RAI1: variants seen among roughly 807,000 people sequenced by gnomAD.
The protein encoded by RAI1 is retinoic acid-induced protein 1.
RAI1 carries 9 observed loss-of-function variants against 123.8 expected under a neutral mutation model. The ratio of observed to expected loss-of-function variants is 0.07; its 90% CI spans 0.04 to 0.13. RAI1 has a LOEUF of 0.13. Among genes scored for constraint, RAI1 ranks in the 10% least tolerant of loss-of-function variants. The pLI is 1.00. For synonymous variants in RAI1, 1,231 were observed against 1,127.3 expected (o/e 1.09, Z -1.84); for missense variants, 2,256 against 2,545.8 (o/e 0.89, Z 2.45).
In RAI1 at chr17:17,809,294, G is replaced by T. The variant is rs1422775514; in HGVS notation, c.5660-96G>T. On this transcript the variant is annotated intron_variant, in intron 4 of 5. Coordinates refer to ENST00000353383, the MANE Select transcript of RAI1 (RefSeq NM_030665.4). This position sits in a 1 kb window ranked among gnomAD's most constrained non-coding sequence, Gnocchi z 4.9. ...AAGAGCCCCTGCAGTCTGGAGCCTCGCGGGCAGTGCGGCTCCCCTCCTGGC... is the reference window on the plus strand; with the variant it reads ...AAGAGCCCCTGCAGTCTGGAGCCTCTCGGGCAGTGCGGCTCCCCTCCTGGC... 1.9e-6 allele frequency: 2 copies of T among 1,049,896 alleles called. No individual in the cohort carries two copies. Among genetic ancestry groups the T allele is most frequent in the African/African-American group, 1.6e-5 (1 of 63,890 alleles). 65.0% of individuals were successfully genotyped at this position (1,049,896 alleles called of 1,614,324 possible). A position where few individuals can be genotyped will look rare whatever the true frequency, so the allele number is the denominator to read the frequency against.
intron 4 of RAI1, among the ~76,000 whole-genome samples, chr17:17,808,852 G>A (rs2032649683): frequency 6.6e-6 from 1 of 152,180 alleles, no homozygotes; most frequent in Non-Finnish European, 1.5e-5. Flanking sequence ...AGAAGTAGCA[G>A]ATGCTCAAAT....
intron 3 of RAI1, chr17:17,802,167 C>T (rs1183022024): frequency 2.1e-6 from 1 of 470,920 alleles, no homozygotes; most frequent in East Asian, 6.9e-5. Context: ...AGCAGCTGGT[C>T]CAGGTGTGGG....
intron 1 of RAI1, among the ~76,000 whole-genome samples, chr17:17,715,134 C>T (rs960208117): frequency 6.6e-6 from 1 of 152,246 alleles, no homozygotes; most frequent in Non-Finnish European, 1.5e-5. Context: ...GGATGGCTTT[C>T]CTGGCTTAAG....
At chr17:17,753,555 A>C (rs1432237299) in intron 2 of RAI1, among the ~76,000 whole-genome samples, 1 of 152,244 alleles carries the variant, frequency 6.6e-6, no homozygotes, top group African/African-American at 2.4e-5. Flanking sequence ...AGCCAAGCTA[A>C]TAACAATGTA....
At position 17,810,897 on chromosome 17, in the gene RAI1, C is replaced by T. The variant is rs1209529514; in HGVS notation, c.*916C>T. 1 of 424,198 alleles carries T rather than the reference C, an allele frequency of 2.4e-6. No homozygotes were observed. Among genetic ancestry groups the T allele is most frequent in the South Asian group, 1.6e-5 (1 of 62,440 alleles). 26.3% of individuals were successfully genotyped at this position (424,198 alleles called of 1,614,324 possible). ...CAGCGCTAGATTTCGTGTACAAAAC[C>T]TGTGTACCCCTCTATATATATGTTA... On this transcript the variant is annotated 3_prime_UTR_variant, in exon 6 of 6. Transcript: ENST00000353383. The surrounding 1 kb of genome is among the most constrained non-coding windows in gnomAD (Gnocchi z 4.6).
intron 1 of RAI1, among the ~76,000 whole-genome samples, chr17:17,702,293 A>G (rs946492488): frequency 6.6e-6 from 1 of 152,222 alleles, no homozygotes; most frequent in African/African-American, 2.4e-5. Context: ...CCTATTGCCA[A>G]GAGGACCAAA....
chr17:17,690,027 G>A (rs1259965210), intron 1 of RAI1, among the ~76,000 whole-genome samples: 2 of 152,058 alleles, frequency 1.3e-5, no homozygotes, highest in Non-Finnish European at 2.9e-5. Flanking sequence ...GAGGTCCTGT[G>A]AGGCCTTATT....
At chr17:17,792,808 G>A (rs964320391) in intron 2 of RAI1, 125 bp from the exon 3 acceptor site, 2 of 764,364 alleles carry the variant, frequency 2.6e-6, no homozygotes, top group Non-Finnish European at 4.4e-6. Flanking sequence ...TGGGGAGGTG[G>A]GTGGGAGGGT....
At chr17:17,738,628 G>A (rs972015406) in intron 2 of RAI1, among the ~76,000 whole-genome samples, 3 of 152,238 alleles carry the variant, frequency 2.0e-5, no homozygotes, top group Non-Finnish European at 4.4e-5. Context: ...AGCTTCTCAA[G>A]GTGGCTCTGA....
chr17:17,744,925 A>C (rs530584883), intron 2 of RAI1, among the ~76,000 whole-genome samples: 1 of 152,156 alleles, frequency 6.6e-6, no homozygotes, highest in South Asian at 2.1e-4. Flanking sequence ...GGGCATTTAC[A>C]TACACAATTA....
At chr17:17,688,051 G>A (rs1391291319) in intron 1 of RAI1, among the ~76,000 whole-genome samples, 1 of 107,836 alleles carries the variant, frequency 9.3e-6, no homozygotes, top group African/African-American at 3.3e-5. Flanking sequence ...AAAAAAGTGA[G>A]TGTTGCTGTG....
At chr17:17,697,604 T>C (rs750075273) in intron 1 of RAI1, among the ~76,000 whole-genome samples, 14 of 152,262 alleles carry the variant, frequency 9.2e-5, no homozygotes, top group Non-Finnish European at 1.9e-4. Flanking sequence ...GTCTGGGTGT[T>C]ACCTGGGTGT....
rs149501853 is a variant in RAI1 at position 17,791,608 on chromosome 17, A to T, written c.-16-1325A>T. Among the ~76,000 whole-genome samples, 181 of 152,282 alleles carry T rather than the reference A, an allele frequency of 1.2e-3. 1 individual carries two copies. Among genetic ancestry groups the T allele is most frequent in the African/African-American group, 4.2e-3 (173 of 41,566 alleles). ...CTATCCCCTCCTGGGGGCCTGGGCC[A>T]CACAGGCCGAGCTGAGCCCCTTTCT... On this transcript the variant is annotated intron_variant, in intron 2 of 5. Transcript: ENST00000353383.
rs2032090872 is a variant in RAI1, at chr17:17,793,277, G to A, written c.329G>A (p.Gly110Asp). The A allele has an allele frequency of 1.2e-6, 2 of 1,612,372 alleles. No homozygotes were observed. Among genetic ancestry groups the A allele is most frequent in the Non-Finnish European group, 1.7e-6 (2 of 1,179,710 alleles). ...GTCCAGGACAGCAGCCCCTACCCAGGCCGCTATGCTGGTGAGGAGAGCCTT... is the reference window on the plus strand; with the variant it reads ...GTCCAGGACAGCAGCCCCTACCCAGACCGCTATGCTGGTGAGGAGAGCCTT... ...YGVQDSSPYPGRYAGEESLQA... is the reference protein window; with the variant it reads ...YGVQDSSPYPDRYAGEESLQA... Residue 110 changes from glycine (G) to aspartate (D), a missense_variant, in exon 3 of 6, where the codon GGC (glycine) becomes GAC (aspartate). Around this residue, in one of 7 missense-constraint regions of RAI1, gnomAD observed 336 missense variants for 349.8 expected, o/e 0.96. Coordinates refer to ENST00000353383, the MANE Select transcript of RAI1 (RefSeq NM_030665.4).
At chr17:17,757,618 C>T (rs1056537195) in intron 2 of RAI1, among the ~76,000 whole-genome samples, 1 of 151,746 alleles carries the variant, frequency 6.6e-6, no homozygotes, top group Admixed American at 6.6e-5. Flanking sequence ...ATTTTTTTTT[C>T]CCACAACTCA....
At chr17:17,710,570 G>A (rs1915536272) in intron 1 of RAI1, among the ~76,000 whole-genome samples, 2 of 152,256 alleles carry the variant, frequency 1.3e-5, no homozygotes, top group South Asian at 4.1e-4. Flanking sequence ...TGGCCACCAA[G>A]ACTAGGACTC....
At chr17:17,802,413 C>T (rs747867710) in intron 3 of RAI1, among the ~76,000 whole-genome samples, 36 of 152,294 alleles carry the variant, frequency 2.4e-4, no homozygotes, top group South Asian at 8.3e-4. Flanking sequence ...TCACTGTTGC[C>T]TGGAATGGGA....
At chr17:17,748,260 CATT>C (rs2030004765) in intron 2 of RAI1, among the ~76,000 whole-genome samples, 1 of 152,218 alleles carries the variant, frequency 6.6e-6, no homozygotes, top group South Asian at 2.1e-4. Flanking sequence ...CCAAATAAGT[CATT>C]GTTGTCCCAG....
rs972983081 is a variant in RAI1 at position 17,795,201 on chromosome 17, G to C, written c.2253G>C (p.Leu751=). 6.2e-7 allele frequency: 1 copy of C among 1,613,998 alleles called. No individual in the cohort carries two copies. Among genetic ancestry groups the C allele is most frequent in the African/African-American group, 1.3e-5 (1 of 75,042 alleles). ...ANPFAWPEEN[L]GDACPRWGLH... ...CCTTTGCCTGGCCAGAGGAAAACCTGGGGGATGCTTGTCCCAGGTGGGGAT... is the reference window on the plus strand; with the variant it reads ...CCTTTGCCTGGCCAGAGGAAAACCTCGGGGATGCTTGTCCCAGGTGGGGAT... The change falls in exon 3 of 6, where the codon CTG becomes CTC. Residue 751 remains leucine (L), a synonymous_variant. Transcript: ENST00000353383. The surrounding 1 kb of genome is among the most constrained non-coding windows in gnomAD (Gnocchi z 5.9).
Sources: gnomAD v4.1 joint callset for allele counts (sites outside exome capture counted in the v4.1 genomes callset) on GRCh38, gnomAD v4.1.1 for gene constraint, gnomAD v4.1.1 regional missense constraint, Gnocchi (gnomAD v3.1) non-coding constraint, MANE v1.5 for transcripts, NCBI Gene and HGNC (gene_info 2026-07-23, HGNC 2026-07-21) for gene names.